Variants in IL1RAPL1 observed in about 807,000 individuals in gnomAD.
IL1RAPL1 encodes interleukin-1 receptor accessory protein-like 1.
A neutral mutation model predicts 48.4 loss-of-function variants in IL1RAPL1; 3 were observed. The ratio of observed to expected loss-of-function variants is 0.06; its 90% CI spans 0.03 to 0.16. IL1RAPL1 has a LOEUF of 0.16. IL1RAPL1 is among the 10% of genes least tolerant of loss of function. The pLI is 1.00. For missense variants in IL1RAPL1, 349 were observed against 530.6 expected (o/e 0.66, Z 3.36); for synonymous variants, 185 against 187.7 (o/e 0.99, Z 0.12).
intron 2 of IL1RAPL1, among the ~76,000 whole-genome samples, chrX:29,213,287 C>T (rs1008820874): frequency 8.9e-6 from 1 of 112,248 alleles, no homozygotes; most frequent in African/African-American, 3.2e-5. Context: ...CGTGAGCCAC[C>T]GCGCCTGGCC....
intron 5 of IL1RAPL1, among the ~76,000 whole-genome samples, chrX:29,604,286 T>A (rs910888312): frequency 2.9e-4 from 32 of 112,046 alleles, no homozygotes; most frequent in African/African-American, 1.0e-3. Flanking sequence ...TCAATCTATA[T>A]ATGAAATATT....
intron 5 of IL1RAPL1, among the ~76,000 whole-genome samples, chrX:29,568,287 C>G (rs1922477667): frequency 1.1e-5 from 1 of 90,147 alleles, no homozygotes; most frequent in Non-Finnish European, 2.2e-5. Context: ...ATTTAAAGAT[C>G]AAGAATAACA....
intron 1 of IL1RAPL1, among the ~76,000 whole-genome samples, chrX:28,786,466 A>AAAAC (rs768829007): frequency 3.6e-5 from 4 of 111,706 alleles, no homozygotes; most frequent in African/African-American, 9.8e-5. Flanking sequence ...CTCTGTCTCA[A>AAAAC]AAACAAACAA....
chrX:28,673,178 C>T (rs913909577), intron 1 of IL1RAPL1, among the ~76,000 whole-genome samples: 6 of 111,751 alleles, frequency 5.4e-5, no homozygotes, highest in Admixed American at 4.8e-4. Context: ...ATAGAGGACC[C>T]GGAAATAAGG....
chrX:28,777,013 GT>G (rs1487144108), intron 1 of IL1RAPL1, among the ~76,000 whole-genome samples: 2 of 112,056 alleles, frequency 1.8e-5, no homozygotes, highest in Admixed American at 9.5e-5. Context: ...CTGTAACAAA[GT>G]ATCACAAACT....
At position 29,419,918 on chromosome X, in the gene IL1RAPL1, T is replaced by G. The variant is rs924207624; in HGVS notation, c.703+20610T>G. ...TGTGGAGCAGCTGCTCAGCCAGAAA[T>G]TCAATTTCCCAGCCCCTCTTGCTTC... On this transcript the variant is annotated intron_variant, in intron 5 of 10. Transcript: ENST00000378993. Among the ~76,000 whole-genome samples the G allele has an allele frequency of 5.4e-5, 6 of 111,951 alleles. No homozygotes were observed. In the South Asian group the frequency reaches 2.3e-3, roughly 43 times the overall value.
intron 1 of IL1RAPL1, among the ~76,000 whole-genome samples, chrX:28,679,467 G>T (rs1401243230): frequency 1.8e-5 from 2 of 110,740 alleles, no homozygotes; most frequent in African/African-American, 3.3e-5. Context: ...TTTTTAGCTT[G>T]ATGTAATCTC....
chrX:28,813,571 T>A (rs1471197935), intron 2 of IL1RAPL1, among the ~76,000 whole-genome samples: 1 of 111,020 alleles, frequency 9.0e-6, no homozygotes, highest in Non-Finnish European at 1.9e-5. Flanking sequence ...GTGACTCAGG[T>A]CATATATGTC....
chrX:29,733,218 T>TA (rs1267417386), intron 6 of IL1RAPL1, among the ~76,000 whole-genome samples: 2 of 112,314 alleles, frequency 1.8e-5, no homozygotes, highest in Non-Finnish European at 3.8e-5. Flanking sequence ...TTATGGCTGT[T>TA]ATAGCACTTA....
At chrX:28,765,447 G>T in intron 1 of IL1RAPL1, among the ~76,000 whole-genome samples, 1 of 110,894 alleles carries the variant, frequency 9.0e-6, no homozygotes, top group Non-Finnish European at 1.9e-5. Flanking sequence ...AATTATGTTG[G>T]ATTGATCATA....
chrX:28,684,028 A>G (rs1935087938), intron 1 of IL1RAPL1, among the ~76,000 whole-genome samples: 1 of 112,503 alleles, frequency 8.9e-6, no homozygotes, highest in Non-Finnish European at 1.9e-5. Context: ...GGATTTGGAC[A>G]TGGACATCTT....
At chrX:28,668,670 T>C (rs1934911747) in intron 1 of IL1RAPL1, among the ~76,000 whole-genome samples, 1 of 112,957 alleles carries the variant, frequency 8.9e-6, no homozygotes, top group South Asian at 3.6e-4. Flanking sequence ...TTTCTAGTCC[T>C]GGATTCCAAA....
At chrX:29,829,019 A>T (rs991509526) in intron 6 of IL1RAPL1, among the ~76,000 whole-genome samples, 3 of 110,917 alleles carry the variant, frequency 2.7e-5, no homozygotes, top group Non-Finnish European at 5.7e-5. Context: ...TTTTATCTTT[A>T]TTGCTCTGAA....
Position 29,061,072 on chromosome X carries a change from C to T in IL1RAPL1, c.83-221866C>T, listed in dbSNP as rs186174187. On this transcript the variant is annotated intron_variant, in intron 2 of 10. Coordinates refer to ENST00000378993, the MANE Select transcript of IL1RAPL1 (RefSeq NM_014271.4). ...TACAGCAGTGCCTTTTAATGTGGGT[C>T]TTCTTTTAGTATCTGAAGAAAGCTA... Among the ~76,000 whole-genome samples the T allele has an allele frequency of 6.6e-3, 736 of 111,239 alleles. 8 individuals are homozygous for T. Among genetic ancestry groups the T allele is most frequent in the African/African-American group, 0.023 (703 of 30,748 alleles).
At chrX:28,906,403 G>A (rs1923217556) in intron 2 of IL1RAPL1, among the ~76,000 whole-genome samples, 1 of 112,219 alleles carries the variant, frequency 8.9e-6, no homozygotes, top group South Asian at 3.7e-4. Flanking sequence ...GATAGTCACA[G>A]TAAGTGGGAG....
chrX:29,680,178 G>A (rs1926406984), intron 6 of IL1RAPL1, among the ~76,000 whole-genome samples: 1 of 110,979 alleles, frequency 9.0e-6, no homozygotes, highest in Non-Finnish European at 1.9e-5. Flanking sequence ...AGACAGGAGT[G>A]GTGCTGGCCT....
At chrX:28,949,275 GT>G (rs563294290) in intron 2 of IL1RAPL1, among the ~76,000 whole-genome samples, 76 of 98,352 alleles carry the variant, frequency 7.7e-4, no homozygotes, top group African/African-American at 1.4e-3. Context: ...GGTGTTTTTT[GT>G]TTTTTTTTTT....
intron 2 of IL1RAPL1, among the ~76,000 whole-genome samples, chrX:28,961,072 G>A (rs1455220210): frequency 9.4e-6 from 1 of 106,024 alleles, no homozygotes; most frequent in African/African-American, 3.4e-5. Flanking sequence ...ATGAAATCGG[G>A]ATAAATATTG....
chrX:29,174,220 G>A (rs190476735), intron 2 of IL1RAPL1, among the ~76,000 whole-genome samples: 4 of 111,357 alleles, frequency 3.6e-5, no homozygotes, highest in African/African-American at 1.3e-4. Context: ...CACCACGCCC[G>A]CCACAGTCAA....
Sources: gnomAD v4.1 joint callset for allele counts (sites outside exome capture counted in the v4.1 genomes callset) on GRCh38, gnomAD v4.1.1 for gene constraint, MANE v1.5 for transcripts, NCBI Gene and HGNC (gene_info 2026-07-23, HGNC 2026-07-21) for gene names.